The following FBXL17 variants were observed in gnomAD, a reference collection of about 807,000 sequenced individuals.
FBXL17 encodes F-box/LRR-repeat protein 17.
A neutral mutation model predicts 66.2 loss-of-function variants in FBXL17; 22 were observed. That is an observed-to-expected ratio of 0.33 (90% CI 0.24 to 0.47). FBXL17 has a LOEUF of 0.47. Ranked by LOEUF, FBXL17 falls within the 20% of genes least tolerant of loss-of-function variation. The probability of loss-of-function intolerance (pLI) is 1.00; values close to 1 mark genes in which losing one functional copy is unlikely to be tolerated. For missense variants in FBXL17, 878 were observed against 948.2 expected (o/e 0.93, Z 0.97); for synonymous variants, 474 against 400.5 (o/e 1.18, Z -2.19).
chr5:108,153,327 C>A (rs1751842580), intron 6 of FBXL17, among the ~76,000 whole-genome samples: 1 of 152,094 alleles, frequency 6.6e-6, no homozygotes, highest in Non-Finnish European at 1.5e-5. Flanking sequence ...TATTTGGAAA[C>A]TACTATTCAA....
intron 4 of FBXL17, among the ~76,000 whole-genome samples, chr5:108,269,752 T>C (rs1027699542): frequency 6.6e-6 from 1 of 152,022 alleles, no homozygotes; most frequent in African/African-American, 2.4e-5. Context: ...TGTCTTGGAA[T>C]CCATAGTACC....
At chr5:108,377,404 C>A (rs977594351) in intron 1 of FBXL17, among the ~76,000 whole-genome samples, 1 of 152,234 alleles carries the variant, frequency 6.6e-6, no homozygotes, top group Non-Finnish European at 1.5e-5. Flanking sequence ...TTTTCCCCTA[C>A]CAAGTTCAGT....
At chr5:108,175,563 A>G (rs1363238357) in intron 6 of FBXL17, among the ~76,000 whole-genome samples, 4 of 152,212 alleles carry the variant, frequency 2.6e-5, no homozygotes, top group Non-Finnish European at 4.4e-5. Context: ...TAAATGTTTT[A>G]TCAGTTGAAG....
At chr5:108,012,814 A>G (rs747466685) in intron 7 of FBXL17, among the ~76,000 whole-genome samples, 16 of 152,052 alleles carry the variant, frequency 1.1e-4, no homozygotes, top group Non-Finnish European at 1.9e-4. Flanking sequence ...TTGAGAGTTC[A>G]AGACCAGCCT....
chr5:108,069,078 C>T (rs538447264), intron 6 of FBXL17, among the ~76,000 whole-genome samples: 1 of 152,254 alleles, frequency 6.6e-6, no homozygotes, highest in South Asian at 2.1e-4. Context: ...CACATACACA[C>T]ACAAACATAC....
chr5:108,149,286 A>G (rs1751678446), intron 6 of FBXL17, among the ~76,000 whole-genome samples: 1 of 152,258 alleles, frequency 6.6e-6, no homozygotes, highest in East Asian at 1.9e-4. Context: ...ATGTAAGGAG[A>G]AAAATCTTTT....
intron 4 of FBXL17, among the ~76,000 whole-genome samples, chr5:108,318,959 C>G (rs1759494621): frequency 6.6e-6 from 1 of 151,680 alleles, no homozygotes. Context: ...ATAACACATC[C>G]CAAATCAAGG....
intron 7 of FBXL17, among the ~76,000 whole-genome samples, chr5:108,016,043 A>G (rs1754373108): frequency 6.6e-6 from 1 of 152,186 alleles, no homozygotes; most frequent in Admixed American, 6.5e-5. Flanking sequence ...TGCTGACTCA[A>G]TATTTTTTGA....
At chr5:108,338,232 G>A (rs138879275) in intron 4 of FBXL17, among the ~76,000 whole-genome samples, 97 of 151,948 alleles carry the variant, frequency 6.4e-4, no homozygotes, top group African/African-American at 2.2e-3. Context: ...ATAACCTCTC[G>A]GCGTTCACTT....
chr5:108,293,265 C>T (rs1758197435), intron 4 of FBXL17, among the ~76,000 whole-genome samples: 1 of 151,922 alleles, frequency 6.6e-6, no homozygotes, highest in South Asian at 2.1e-4. Context: ...TATTGTAATA[C>T]TAATAAGTTA....
At chr5:108,173,333 G>A (rs1179195386) in intron 6 of FBXL17, among the ~76,000 whole-genome samples, 3 of 152,056 alleles carry the variant, frequency 2.0e-5, no homozygotes, top group Admixed American at 6.6e-5. Flanking sequence ...CACCAGCATG[G>A]CACATGTATA....
Position 108,381,845 on chromosome 5 carries a change from T to C in FBXL17, c.-154A>G. The C allele has an allele frequency of 7.7e-7, 1 of 1,294,398 alleles. No homozygotes were observed. Among genetic ancestry groups the C allele is most frequent in the Non-Finnish European group, 9.8e-7 (1 of 1,021,846 alleles). The allele number at this position is 1,294,398 out of a possible 1,614,324, so 80.2% of individuals were successfully genotyped here. ...GCACACACGGGCACACACGCGACGG[T>C]GGGGGGTGGGCGTCAGCTGCGGGCC... On this transcript the variant is annotated 5_prime_UTR_variant, in exon 1 of 9. Coordinates refer to ENST00000542267, the MANE Select transcript of FBXL17 (RefSeq NM_001163315.3).
chr5:108,170,433 A>C (rs1371749811), intron 6 of FBXL17, among the ~76,000 whole-genome samples: 1 of 152,198 alleles, frequency 6.6e-6, no homozygotes, highest in East Asian at 1.9e-4. Context: ...TAGTTAGAAG[A>C]ATTTCAAAAA....
At chr5:107,918,647 A>C (rs893733192) in intron 7 of FBXL17, among the ~76,000 whole-genome samples, 50 of 152,334 alleles carry the variant, frequency 3.3e-4, no homozygotes, top group African/African-American at 1.1e-3. Flanking sequence ...TATATATATC[A>C]ATATCAGTAT....
intron 6 of FBXL17, among the ~76,000 whole-genome samples, chr5:108,021,713 A>C (rs10078557): frequency 0.021 from 3,121 of 151,866 alleles, 124 homozygotes; most frequent in African/African-American, 0.072. Flanking sequence ...ACAGATTCGA[A>C]TGAACTTTAA....
At chr5:108,324,557 A>G (rs1209488849) in intron 4 of FBXL17, among the ~76,000 whole-genome samples, 1 of 152,096 alleles carries the variant, frequency 6.6e-6, no homozygotes, top group Admixed American at 6.5e-5. Context: ...AAATAGAATT[A>G]TATTAAGATC....
chr5:108,209,458 ACT>A (rs888178069), intron 5 of FBXL17, among the ~76,000 whole-genome samples: 59 of 151,770 alleles, frequency 3.9e-4, no homozygotes, highest in African/African-American at 1.4e-3. Context: ...GTCATAAATA[ACT>A]CTTATTATTT....
intron 4 of FBXL17, among the ~76,000 whole-genome samples, chr5:108,238,560 A>G (rs1255593284): frequency 6.6e-6 from 1 of 151,960 alleles, no homozygotes; most frequent in African/African-American, 2.4e-5. Flanking sequence ...ACCCAGGCTG[A>G]AGTGCAGTGG....
intron 5 of FBXL17, among the ~76,000 whole-genome samples, chr5:108,195,990 A>G (rs530551484): frequency 6.6e-6 from 1 of 152,266 alleles, no homozygotes; most frequent in Non-Finnish European, 1.5e-5. Flanking sequence ...GAGATGTCAA[A>G]TAAATTTAGG....
Sources: gnomAD v4.1 joint callset for allele counts (sites outside exome capture counted in the v4.1 genomes callset) on GRCh38, gnomAD v4.1.1 for gene constraint, MANE v1.5 for transcripts, NCBI Gene and HGNC (gene_info 2026-07-23, HGNC 2026-07-21) for gene names.